The following SMS variants were observed in gnomAD, a reference collection of about 807,000 sequenced individuals.
SMS encodes the protein spermidine aminopropyltransferase.
Under a neutral mutation model 33.0 loss-of-function variants are expected in SMS, and 3 were observed. The observed-to-expected ratio is 0.09, with a 90% CI of 0.04 to 0.23. The LOEUF (loss-of-function observed/expected upper bound fraction) is 0.23, where lower values mean the gene tolerates loss of function less well. Among genes scored for constraint, SMS ranks in the 10% least tolerant of loss-of-function variants. The probability of loss-of-function intolerance (pLI) is 1.00; values close to 1 mark genes in which losing one functional copy is unlikely to be tolerated. For synonymous variants in SMS, 103 were observed against 112.2 expected (o/e 0.92, Z 0.52); for missense variants, 117 against 288.6 (o/e 0.41, Z 4.31).
chrX:21,967,357 A>G lies in SMS; in HGVS notation c.170+41A>G, dbSNP rs746070468. ...TGCTGTTCTTCATACCTGGTCACTT[A>G]TGAGCAGAGAGGGTGACAGAGTGGA... is the stretch of plus-strand genomic sequence containing the variant. On this transcript the variant is annotated intron_variant, in intron 2 of 10. Transcript: ENST00000404933. The G allele has an allele frequency of 1.6e-5, 19 of 1,190,505 alleles. No individual in the cohort carries two copies. The East Asian group carries it at 5.7e-4, about 36-fold the overall frequency.
intron 1 of SMS, among the ~76,000 whole-genome samples, chrX:21,955,923 G>T (rs193206528): frequency 5.5e-3 from 612 of 111,836 alleles, no homozygotes; most frequent in Non-Finnish European, 8.5e-3. Context: ...ACTCTCATAC[G>T]GGTTAAATCA....
chrX:21,993,318 G>A (rs3891326), intron 10 of SMS, among the ~76,000 whole-genome samples: 21,310 of 112,239 alleles, frequency 0.19, 1,904 homozygotes, highest in African/African-American at 0.34. Context: ...GGGACTGCAC[G>A]GTTAACATTG....
At chrX:21,949,210 T>G (rs1270136772) in intron 1 of SMS, among the ~76,000 whole-genome samples, 6 of 112,139 alleles carry the variant, frequency 5.4e-5, no homozygotes, top group Non-Finnish European at 1.1e-4. Flanking sequence ...CTGGGTAGTT[T>G]TACACACACC....
chrX:21,961,647 A>G (rs748092805), intron 1 of SMS, among the ~76,000 whole-genome samples: 1 of 110,382 alleles, frequency 9.1e-6, no homozygotes, highest in African/African-American at 3.3e-5. Flanking sequence ...TTCCTTTAGT[A>G]GTGGTGTATT....
At chrX:21,942,096 C>A (rs67447080) in intron 1 of SMS, among the ~76,000 whole-genome samples, 19,309 of 107,730 alleles carry the variant, frequency 0.18, 2,692 homozygotes, top group African/African-American at 0.47. Flanking sequence ...CTGTGACTGC[C>A]GCAGACTTGA....
intron 8 of SMS, among the ~76,000 whole-genome samples, chrX:21,984,857 T>G (rs190834306): frequency 9.0e-6 from 1 of 111,551 alleles, no homozygotes; most frequent in African/African-American, 3.3e-5. Context: ...TCTCAGGATT[T>G]TGCTGCTTGC....
At chrX:21,988,573 G>GA (rs1392823977) in intron 9 of SMS, among the ~76,000 whole-genome samples, 1 of 108,152 alleles carries the variant, frequency 9.2e-6, no homozygotes, top group Non-Finnish European at 1.9e-5. Flanking sequence ...GCTGAGGCAG[G>GA]AGAATGGCGT....
intron 1 of SMS, among the ~76,000 whole-genome samples, chrX:21,960,692 C>G (rs756309796): frequency 2.3e-3 from 256 of 111,825 alleles, no homozygotes; most frequent in Non-Finnish European, 4.0e-3. Context: ...CCAACCGCCT[C>G]ATTTTGCAGA....
At chrX:21,961,333 T>G (rs564284707) in intron 1 of SMS, among the ~76,000 whole-genome samples, 1 of 110,145 alleles carries the variant, frequency 9.1e-6, no homozygotes, top group African/African-American at 3.3e-5. Context: ...GTGGGAGGCT[T>G]GGGGGAGCCT....
At chrX:21,952,373 G>A (rs1258442299) in intron 1 of SMS, among the ~76,000 whole-genome samples, 1 of 106,333 alleles carries the variant, frequency 9.4e-6, no homozygotes, top group African/African-American at 3.5e-5. Context: ...ATAAAATGTG[G>A]GTTTTTTTCT....
rs768814918 is a variant in SMS at position 21,973,554 on chromosome X, AGGGTG to A, written c.329+989_329+993del. Among the ~76,000 whole-genome samples the A allele has an allele frequency of 2.3e-4, 26 of 113,068 alleles. No individual in the cohort carries two copies. In the East Asian group the frequency reaches 4.2e-3, roughly 18 times the overall value. On this transcript the variant is annotated intron_variant, in intron 4 of 10. Coordinates refer to ENST00000404933, the MANE Select transcript of SMS (RefSeq NM_004595.5). ...TAAGCAATTTTAAGAGACTTCCGACAGGGTGGGGTGATAAGAAAATTTGCCTCAAG... is the reference window on the plus strand; with the variant it reads ...TAAGCAATTTTAAGAGACTTCCGACAGGGTGATAAGAAAATTTGCCTCAAG...
chrX:21,979,029 T>TG, intron 7 of SMS, 63 bp downstream of exon 7: 1 of 838,289 alleles, frequency 1.2e-6, no homozygotes, highest in South Asian at 2.0e-5. Flanking sequence ...TGATCAGAAT[T>TG]GTGCCTTATT....
At chrX:21,954,613 T>C (rs747856888) in intron 1 of SMS, among the ~76,000 whole-genome samples, 31 of 111,861 alleles carry the variant, frequency 2.8e-4, no homozygotes, top group Admixed American at 1.4e-3. Flanking sequence ...AGTAATCTCC[T>C]TGGGGGCCCA....
chrX:21,958,630 A>T (rs1189483955), intron 1 of SMS, among the ~76,000 whole-genome samples: 7 of 112,328 alleles, frequency 6.2e-5, no homozygotes, highest in Non-Finnish European at 9.4e-5. Context: ...CATTCTTCCC[A>T]GCCTCTGGCA....
chrX:21,980,805 A>G (rs1394433856), intron 7 of SMS, among the ~76,000 whole-genome samples: 2 of 111,826 alleles, frequency 1.8e-5, no homozygotes, highest in East Asian at 5.6e-4. Flanking sequence ...AGAATTTGAT[A>G]AAGTGATTGG....
intron 7 of SMS, 127 bp from the exon 8 acceptor site, chrX:21,984,177 A>G: frequency 3.7e-6 from 2 of 546,547 alleles, no homozygotes; most frequent in Non-Finnish European, 6.6e-6. Context: ...TTCCTGTAGC[A>G]GTTGCTGTGG....
chrX:21,948,015 C>T (rs1922353849), intron 1 of SMS, among the ~76,000 whole-genome samples: 1 of 111,297 alleles, frequency 9.0e-6, no homozygotes, highest in Non-Finnish European at 1.9e-5. Context: ...TTTAAATGCT[C>T]TTTTCCCAAC....
chrX:21,966,656 T>A, intron 1 of SMS, among the ~76,000 whole-genome samples: 1 of 111,667 alleles, frequency 9.0e-6, no homozygotes, highest in Non-Finnish European at 1.9e-5. Context: ...GGATTACTGT[T>A]GGATATTTTT....
intron 10 of SMS, among the ~76,000 whole-genome samples, chrX:21,993,507 T>A (rs769308379): frequency 1.8e-5 from 2 of 112,634 alleles, no homozygotes; most frequent in South Asian, 7.3e-4. Flanking sequence ...ACGGCAGGGT[T>A]TTTTTGCTGT....
Sources: gnomAD v4.1 joint callset for allele counts (sites outside exome capture counted in the v4.1 genomes callset) on GRCh38, gnomAD v4.1.1 for gene constraint, MANE v1.5 for transcripts, NCBI Gene and HGNC (gene_info 2026-07-23, HGNC 2026-07-21) for gene names.